The following SEC24B variants were observed in gnomAD, a reference collection of about 807,000 sequenced individuals.
SEC24B encodes SEC24 homolog B, COPII component.
A neutral mutation model predicts 142.8 loss-of-function variants in SEC24B; 45 were observed. The ratio of observed to expected loss-of-function variants is 0.32; its 90% CI spans 0.25 to 0.40. SEC24B has a LOEUF of 0.40. Among genes scored for constraint, SEC24B ranks in the 10% least tolerant of loss-of-function variants. SEC24B has a pLI of 1.00. For missense variants in SEC24B, 1,409 were observed against 1,526.8 expected, an observed-to-expected ratio of 0.92 and a Z score of 1.29; for synonymous variants, 574 against 568.2, an observed-to-expected ratio of 1.01 and a Z score of -0.15.
intron 2 of SEC24B, among the ~76,000 whole-genome samples, chr4:109,467,630 A>C (rs991250343): frequency 6.6e-6 from 1 of 152,202 alleles, no homozygotes; most frequent in Non-Finnish European, 1.5e-5. Context: ...CTGTAGATTC[A>C]TTTAAAATAA....
At chr4:109,525,678 ATAACT>A (rs1400598583) in intron 16 of SEC24B, among the ~76,000 whole-genome samples, 174 bp downstream of exon 16, 1 of 152,148 alleles carries the variant, frequency 6.6e-6, no homozygotes, top group Non-Finnish European at 1.5e-5. Flanking sequence ...ATTTTTAAAA[ATAACT>A]TGAATAAGTA....
rs181877868 is a variant in SEC24B at position 109,482,854 on chromosome 4, A to G, written c.1165+1073A>G. ...GCCATGTTGCCCAAGCTGGTCTTGA[A>G]CTCCTGCACTCAGGGAATCCGCCCA... is the stretch of plus-strand genomic sequence containing the variant. On this transcript the variant is annotated intron_variant, in intron 4 of 23. Transcript: ENST00000265175. Among the ~76,000 whole-genome samples, 1,062 of 137,956 alleles carry G rather than the reference A, an allele frequency of 7.7e-3. 12 individuals are homozygous for G. Among genetic ancestry groups the G allele is most frequent in the Non-Finnish European group, 0.012 (787 of 64,014 alleles). The allele number at this position is 137,956 out of a possible 152,430, so 90.5% of individuals were successfully genotyped here.
At chr4:109,438,662 G>T (rs984772535) in intron 1 of SEC24B, among the ~76,000 whole-genome samples, 1 of 152,154 alleles carries the variant, frequency 6.6e-6, no homozygotes, top group East Asian at 1.9e-4. Flanking sequence ...GAGAAGAAAG[G>T]AATAGAGAGG....
At chr4:109,455,528 A>G (rs1730577073) in intron 1 of SEC24B, among the ~76,000 whole-genome samples, 1 of 152,232 alleles carries the variant, frequency 6.6e-6, no homozygotes, top group Non-Finnish European at 1.5e-5. Flanking sequence ...GGCATGAGCC[A>G]CCACACCCGG....
At chr4:109,435,875 G>A (rs1215958703) in intron 1 of SEC24B, among the ~76,000 whole-genome samples, 1 of 152,102 alleles carries the variant, frequency 6.6e-6, no homozygotes, top group African/African-American at 2.4e-5. Context: ...TGAGGGACTC[G>A]ACAGGTTGGG....
Position 109,531,381 on chromosome 4 carries a change from G to T in SEC24B, c.3253-4G>T. 6.3e-7 allele frequency: 1 copy of T among 1,594,576 alleles called. No individual in the cohort carries two copies. Among genetic ancestry groups the T allele is most frequent in the African/African-American group, 1.3e-5 (1 of 74,340 alleles). On this transcript the variant is annotated splice_polypyrimidine_tract_variant and splice_region_variant and intron_variant, in intron 19 of 23. Coordinates refer to ENST00000265175, the MANE Select transcript of SEC24B (RefSeq NM_006323.5). ...CTTGAAAACGTTTATCTTTTTCCTT[G>T]TAGAAAGCATTTAGAACGGGTACAA...
At position 109,478,671 on chromosome 4, in the gene SEC24B, C is replaced by G. The variant is rs117638884; in HGVS notation, c.1061-3006C>G. 5.2e-3 allele frequency among the ~76,000 whole-genome samples: 799 copies of G among 152,292 alleles called. 33 individuals are homozygous for G. In the South Asian group the frequency reaches 0.079, roughly 15 times the overall value. On this transcript the variant is annotated intron_variant, in intron 3 of 23. Transcript: ENST00000265175. Reference sequence around the variant, plus strand: ...TTATCCATAATGTTACGCTCCTTCTCTGTTCAGTATTTCCTACTGTGTACT... The same window carrying G: ...TTATCCATAATGTTACGCTCCTTCTGTGTTCAGTATTTCCTACTGTGTACT...
chr4:109,477,136 C>CA, intron 3 of SEC24B, among the ~76,000 whole-genome samples: 1 of 62,488 alleles, frequency 1.6e-5, no homozygotes, highest in Admixed American at 2.2e-4. Context: ...GACTCCGTCT[C>CA]AAATAAAAAA....
At chr4:109,445,313 G>A (rs1729345601) in intron 1 of SEC24B, among the ~76,000 whole-genome samples, 1 of 138,496 alleles carries the variant, frequency 7.2e-6, no homozygotes, top group Non-Finnish European at 1.5e-5. Flanking sequence ...GTGCAATCTC[G>A]GCTCACTGCA....
intron 4 of SEC24B, among the ~76,000 whole-genome samples, chr4:109,489,876 C>T (rs1218652422): frequency 6.6e-6 from 1 of 151,636 alleles, no homozygotes; most frequent in Non-Finnish European, 1.5e-5. Flanking sequence ...CCTGATATAT[C>T]AGCATTCTGC....
chr4:109,482,634 A>G (rs916856190), intron 4 of SEC24B, among the ~76,000 whole-genome samples: 5 of 151,252 alleles, frequency 3.3e-5, no homozygotes, highest in Non-Finnish European at 7.4e-5. Flanking sequence ...ATATTTTTTT[A>G]TTTTGCTTTG....
At chr4:109,452,135 C>T (rs1730167451) in intron 1 of SEC24B, among the ~76,000 whole-genome samples, 1 of 151,962 alleles carries the variant, frequency 6.6e-6, no homozygotes, top group East Asian at 1.9e-4. Context: ...AGCCATTGCT[C>T]TGTTCTCTAT....
At chr4:109,509,886 A>G (rs911226256) in intron 7 of SEC24B, 123 bp from the exon 8 acceptor site, 3 of 548,310 alleles carry the variant, frequency 5.5e-6, no homozygotes, top group Admixed American at 7.4e-5. Flanking sequence ...TCTTGCTTAC[A>G]GTTACAGTAA....
chr4:109,505,754 G>A (rs1407285959), intron 6 of SEC24B, among the ~76,000 whole-genome samples: 2 of 152,114 alleles, frequency 1.3e-5, no homozygotes, highest in Non-Finnish European at 2.9e-5. Context: ...AGAAAGCAAG[G>A]AAACTATCAA....
At chr4:109,453,530 G>T (rs1730350259) in intron 1 of SEC24B, among the ~76,000 whole-genome samples, 1 of 137,650 alleles carries the variant, frequency 7.3e-6, no homozygotes, top group Non-Finnish European at 1.5e-5. Flanking sequence ...CCCGTGTTCG[G>T]TAATAAGAGA....
chr4:109,538,535 A>G lies in SEC24B; in HGVS notation c.3631A>G (p.Arg1211Gly), dbSNP rs746686969. The G allele has an allele frequency of 1.9e-6, 3 of 1,613,498 alleles. No homozygotes were observed. Among genetic ancestry groups the G allele is most frequent in the Non-Finnish European group, 2.5e-6 (3 of 1,179,440 alleles). The change falls in exon 23 of 24, where the codon AGA becomes GGA. Residue 1211 changes from arginine to glycine, a missense_variant. Transcript: ENST00000265175. The part of the protein sequence containing the change: ...ELDTLSSERA[R>G]SFITWLRDSR... ...AGATACACTTTCATCAGAAAGAGCC[A>G]GATCCTTCATAACTTGGCTTAGAGA...
rs746732305 is a variant in SEC24B at position 109,463,689 on chromosome 4, G to T, written c.877+45G>T. On this transcript the variant is annotated intron_variant, in intron 2 of 23. Transcript: ENST00000265175. ...CACCAAAACATGTTTGAAAATCAGTGCATTCCCAATTAAGTTATTATTTAC... is the reference window on the plus strand; with the variant it reads ...CACCAAAACATGTTTGAAAATCAGTTCATTCCCAATTAAGTTATTATTTAC... 5 of 1,574,046 alleles carry T rather than the reference G, an allele frequency of 3.2e-6. No homozygotes were observed. In the East Asian group the frequency reaches 9.0e-5, roughly 28 times the overall value.
At chr4:109,525,018 G>A (rs1374960994) in intron 15 of SEC24B, 77 bp downstream of exon 15, 1 of 1,317,984 alleles carries the variant, frequency 7.6e-7, no homozygotes, top group Non-Finnish European at 1.0e-6. Flanking sequence ...TCTTCAGTAA[G>A]CATTCTCTAT....
intron 3 of SEC24B, among the ~76,000 whole-genome samples, chr4:109,477,955 C>G (rs1733345455): frequency 6.6e-6 from 1 of 152,078 alleles, no homozygotes; most frequent in Non-Finnish European, 1.5e-5. Flanking sequence ...TTTAAAAACA[C>G]TTGGTAGTCC....
Sources: allele counts gnomAD v4.1 joint callset (sites outside exome capture counted in the v4.1 genomes callset), GRCh38; gene constraint gnomAD v4.1.1; transcripts MANE v1.5; gene names NCBI Gene and HGNC (gene_info 2026-07-23, HGNC 2026-07-21).